SH3RF3: variants seen among roughly 807,000 people sequenced by gnomAD.
The protein encoded by SH3RF3 is SH3 domain containing ring finger 3.
SH3RF3 carries 29 observed loss-of-function variants against 66.3 expected under a neutral mutation model. The ratio of observed to expected loss-of-function variants is 0.44; its 90% confidence interval spans 0.33 to 0.60. The LOEUF (loss-of-function observed/expected upper bound fraction) is 0.60. Ranked by LOEUF, SH3RF3 falls within the 20% of genes least tolerant of loss-of-function variation. The pLI is 0.04. For synonymous variants in SH3RF3, 583 were observed against 532.0 expected (o/e 1.10, Z -1.32); for missense variants, 1,194 against 1,190.9 (o/e 1.00, Z -0.04).
intron 1 of SH3RF3, among the ~76,000 whole-genome samples, chr2:109,197,031 A>G (rs1416095643): frequency 1.3e-5 from 2 of 152,162 alleles, no homozygotes; most frequent in South Asian, 2.1e-4. Flanking sequence ...AGTGGGTGCC[A>G]CTGTTTTCCC....
intron 1 of SH3RF3, among the ~76,000 whole-genome samples, chr2:109,290,295 A>G (rs1312739831): frequency 2.0e-5 from 3 of 152,244 alleles, no homozygotes; most frequent in Non-Finnish European, 4.4e-5. Flanking sequence ...CTTTCTAGTA[A>G]TATAACACAT....
chr2:109,452,873 GCCAGGAGGCTGGTC>G lies in SH3RF3; in HGVS notation c.2148+3401_2148+3414del, dbSNP rs1390179322. Among the ~76,000 whole-genome samples, 1,203 of 143,386 alleles carry G rather than the reference GCCAGGAGGCTGGTC, an allele frequency of 8.4e-3. 22 individuals carry two copies. Among genetic ancestry groups the G allele is most frequent in the African/African-American group, 0.029 (1,105 of 37,700 alleles). 94.1% of individuals were successfully genotyped at this position (143,386 alleles called of 152,430 possible). On this transcript the variant is annotated intron_variant, in intron 8 of 9. Transcript: ENST00000309415. ...GGGAGGCTGGTCCCGGGAGGCTGGT[GCCAGGAGGCTGGTC>G]CCAGGAGGCTGGTCCCGGGAGGCTG...
At chr2:109,209,243 A>G (rs1678910572) in intron 1 of SH3RF3, among the ~76,000 whole-genome samples, 1 of 152,154 alleles carries the variant, frequency 6.6e-6, no homozygotes, top group Admixed American at 6.5e-5. Context: ...GGCTGTAGGA[A>G]AACTGAGAGG....
intron 1 of SH3RF3, among the ~76,000 whole-genome samples, chr2:109,251,912 G>A (rs1680100562): frequency 6.6e-6 from 1 of 152,068 alleles, no homozygotes; most frequent in East Asian, 1.9e-4. Flanking sequence ...TCAACCTTAT[G>A]TTCTTAAATC....
chr2:109,185,201 T>C (rs1678157786), intron 1 of SH3RF3, among the ~76,000 whole-genome samples: 1 of 152,218 alleles, frequency 6.6e-6, no homozygotes, highest in South Asian at 2.1e-4. Context: ...TAAAGGGTGG[T>C]TATTTTTCCG....
At chr2:109,467,693 G>A (rs948841514) in intron 8 of SH3RF3, among the ~76,000 whole-genome samples, 2 of 152,238 alleles carry the variant, frequency 1.3e-5, no homozygotes, top group African/African-American at 2.4e-5. Flanking sequence ...AAGAGAGGAC[G>A]AGCATGATTT....
In SH3RF3 at chr2:109,261,758, G is replaced by C. The variant is rs116321809; in HGVS notation, c.574-85916G>C. ...TCAGTGTAATCGGCAGGCATTTCAA[G>C]CCTTTGTCATGGATTTATACAGTGT... On this transcript the variant is annotated intron_variant, in intron 1 of 9. Coordinates refer to ENST00000309415, the MANE Select transcript of SH3RF3 (RefSeq NM_001099289.3). Among the ~76,000 whole-genome samples, 785 of 152,274 alleles carry C rather than the reference G, an allele frequency of 5.2e-3. 7 individuals are homozygous for C. The highest frequency in any genetic ancestry group is 0.01 in the Middle Eastern group (3 of 294).
chr2:109,273,925 G>T (rs7556670), intron 1 of SH3RF3, among the ~76,000 whole-genome samples: 5 of 151,984 alleles, frequency 3.3e-5, no homozygotes, highest in African/African-American at 7.2e-5. Context: ...ACTGGGTTTG[G>T]TGCTTGCTTT....
chr2:109,499,247 C>T (rs1350727825), intron 9 of SH3RF3, among the ~76,000 whole-genome samples: 2 of 152,094 alleles, frequency 1.3e-5, no homozygotes, highest in South Asian at 2.1e-4. Context: ...GAGATGGGTA[C>T]CCGGGCAGTC....
chr2:109,456,525 G>A (rs1471320246), intron 8 of SH3RF3, among the ~76,000 whole-genome samples: 1 of 152,236 alleles, frequency 6.6e-6, no homozygotes, highest in Non-Finnish European at 1.5e-5. Flanking sequence ...CCCTCAGTGG[G>A]GCAGGGCAGT....
chr2:109,356,962 T>C (rs1247778749), intron 2 of SH3RF3, among the ~76,000 whole-genome samples: 1 of 152,194 alleles, frequency 6.6e-6, no homozygotes, highest in African/African-American at 2.4e-5. Flanking sequence ...GGTCCACTTC[T>C]GCAGCACAGA....
chr2:109,425,629 A>C lies in SH3RF3; in HGVS notation c.1403+5987A>C, dbSNP rs187290017. Among the ~76,000 whole-genome samples the C allele has an allele frequency of 4.6e-5, 7 of 152,324 alleles. No homozygotes were observed. In the East Asian group the frequency reaches 1.2e-3, roughly 25 times the overall value. On this transcript the variant is annotated intron_variant, in intron 5 of 9. Transcript: ENST00000309415. ...GTGTAAATGGGACAACCACGCCTGC[A>C]TGATAGCACACGTGTTTACAGCATG...
chr2:109,375,323 C>T (rs1026881346), intron 3 of SH3RF3, among the ~76,000 whole-genome samples: 4 of 152,224 alleles, frequency 2.6e-5, no homozygotes, highest in African/African-American at 4.8e-5. Flanking sequence ...AACTCTCCTG[C>T]GGCCGTCCCC....
At position 109,347,383 on chromosome 2, in the gene SH3RF3, C is replaced by T. The variant is rs1020703908; in HGVS notation, c.574-291C>T. ...GTAAATGAAGACAAGCCAGCACCTACTTCAGAGTCCTTTTTGCACAGAATG... is the reference window on the plus strand; with the variant it reads ...GTAAATGAAGACAAGCCAGCACCTATTTCAGAGTCCTTTTTGCACAGAATG... On this transcript the variant is annotated intron_variant, in intron 1 of 9. Coordinates refer to ENST00000309415, the MANE Select transcript of SH3RF3 (RefSeq NM_001099289.3). 5.3e-5 allele frequency among the ~76,000 whole-genome samples: 8 copies of T among 152,128 alleles called. No homozygotes were observed. In the East Asian group the frequency reaches 1.4e-3, roughly 26 times the overall value.
chr2:109,306,836 C>T (rs763545297), intron 1 of SH3RF3, among the ~76,000 whole-genome samples: 2 of 152,124 alleles, frequency 1.3e-5, no homozygotes, highest in Admixed American at 6.5e-5. Context: ...CTCTGGTCGA[C>T]GTGTATGTTG....
At chr2:109,289,249 A>G (rs1022801541) in intron 1 of SH3RF3, among the ~76,000 whole-genome samples, 2 of 152,176 alleles carry the variant, frequency 1.3e-5, no homozygotes, top group Admixed American at 6.5e-5. Context: ...GGTGTAATGA[A>G]TGCCACATTA....
chr2:109,144,358 G>T (rs530869664), intron 1 of SH3RF3, among the ~76,000 whole-genome samples: 7 of 152,230 alleles, frequency 4.6e-5, no homozygotes, highest in African/African-American at 1.4e-4. Flanking sequence ...ACATGATAAT[G>T]AAAAGTACTT....
At chr2:109,312,173 A>G (rs942700265) in intron 1 of SH3RF3, among the ~76,000 whole-genome samples, 1 of 152,186 alleles carries the variant, frequency 6.6e-6, no homozygotes, top group African/African-American at 2.4e-5. Context: ...AAATCTTACA[A>G]AGTCTAATGA....
At chr2:109,251,895 T>C (rs1207134772) in intron 1 of SH3RF3, among the ~76,000 whole-genome samples, 2 of 152,206 alleles carry the variant, frequency 1.3e-5, no homozygotes, top group Non-Finnish European at 2.9e-5. Flanking sequence ...TTCTAGACTT[T>C]GAGTTCTCAA....
Sources: allele counts gnomAD v4.1 joint callset (sites outside exome capture counted in the v4.1 genomes callset), GRCh38; gene constraint gnomAD v4.1.1; transcripts MANE v1.5; gene names NCBI Gene and HGNC (gene_info 2026-07-23, HGNC 2026-07-21).